The following MAP3K6 variants were observed in gnomAD, a reference collection of about 807,000 sequenced individuals.
The protein encoded by MAP3K6 is mitogen-activated protein kinase kinase kinase 6, also known as apoptosis signal-regulating kinase 2.
In MAP3K6, 105 loss-of-function variants were observed where a neutral mutation model predicts 147.1. That is an observed-to-expected ratio of 0.71 (90% confidence interval 0.61 to 0.84). MAP3K6 has a LOEUF of 0.84. MAP3K6 is among the 40% of genes least tolerant of loss of function. The probability of loss-of-function intolerance (pLI) is 0.00; values close to 1 mark genes in which losing one functional copy is unlikely to be tolerated. For missense variants in MAP3K6, 1,569 were observed against 1,715.0 expected (o/e 0.91, Z 1.50); for synonymous variants, 695 against 732.4 (o/e 0.95, Z 0.82).
At position 27,364,152 on chromosome 1, in the gene MAP3K6, C is replaced by T. The variant is rs1480008467; in HGVS notation, c.695+52G>A. The stretch of plus-strand genomic sequence containing the variant: ...GGCCTGTACCTCAGCCCCAGCCCAC[C>T]ATACCCTCACCAGCCCCCTCCTGGA... On this transcript the variant is annotated intron_variant, in intron 4 of 28. Coordinates refer to ENST00000357582, the MANE Select transcript of MAP3K6 (RefSeq NM_004672.5). This position sits in a 1 kb window ranked among gnomAD's most constrained non-coding sequence, Gnocchi z 4.4. 7 of 1,600,036 alleles carry T rather than the reference C, an allele frequency of 4.4e-6. No individual in the cohort carries two copies. In the East Asian group the frequency reaches 1.3e-4, roughly 31 times the overall value.
At position 27,366,209 on chromosome 1, in the gene MAP3K6, C is replaced by A; in HGVS notation, c.340+49G>T. ...CTTCGAGCCCGGCTTGGTCCCCTCC[C>A]AGGACCCTGAGTCCCGCCCGGATCC... On this transcript the variant is annotated intron_variant, in intron 1 of 28. Transcript: ENST00000357582. This position sits in a 1 kb window ranked among gnomAD's most constrained non-coding sequence, Gnocchi z 5.5. 1 of 1,274,432 alleles carries A rather than the reference C, an allele frequency of 7.8e-7. No individual in the cohort carries two copies. The highest frequency in any genetic ancestry group is 2.5e-5 in the South Asian group (1 of 39,850). The allele number at this position is 1,274,432 out of a possible 1,614,324, so 78.9% of individuals were successfully genotyped here.
intron 21 of MAP3K6, 30 bp from the exon 22 acceptor site, chr1:27,357,906 G>A (rs1421703952): frequency 1.3e-6 from 2 of 1,549,832 alleles, no homozygotes; most frequent in Non-Finnish European, 8.7e-7. Flanking sequence ...GCTGATTGAG[G>A]ACGGGCAGCA....
At chr1:27,362,352 A>G in intron 8 of MAP3K6, 102 bp from the exon 9 acceptor site, 1 of 1,239,618 alleles carries the variant, frequency 8.1e-7, no homozygotes, top group Non-Finnish European at 1.1e-6. Flanking sequence ...AGATATGAGT[A>G]TGGCATTGAG....
intron 11 of MAP3K6, 34 bp from the exon 12 acceptor site, chr1:27,361,429 T>C (rs749189004): frequency 6.2e-7 from 1 of 1,612,676 alleles, no homozygotes; most frequent in South Asian, 1.1e-5. Context: ...TGGGGAGTGC[T>C]GGTGACAGGA....
rs2015593246 is a variant in MAP3K6 at position 27,357,867 on chromosome 1, C to G, written c.2925G>C (p.Glu975Asp). ...ACGCAGGCTCCTCGGCCGCAGGCTC[C>G]TCGGGCACCCTGGGCACAAGGGCGA... Reference protein sequence around the residue: ...YGGTSQLRVPEEPAAEEPASP... With the variant: ...YGGTSQLRVPDEPAAEEPASP... The change falls in exon 22 of 29, where the codon GAG becomes GAC. Residue 975 changes from glutamate (E) to aspartate (D), a missense_variant. Transcript: ENST00000357582. 6.3e-7 allele frequency: 1 copy of G among 1,590,844 alleles called. No individual in the cohort carries two copies. The highest frequency in any genetic ancestry group is 1.7e-5 in the Admixed American group (1 of 57,706).
rs776957853 is a variant in MAP3K6, at chr1:27,364,431, G to T, written c.505-37C>A. ...GAGGCAGGAATCAGTGAGGTCAGAG[G>T]TCAGCACAGGGCTAGACAAGGGGAG... On this transcript the variant is annotated intron_variant, in intron 3 of 28. Coordinates refer to ENST00000357582, the MANE Select transcript of MAP3K6 (RefSeq NM_004672.5). The surrounding 1 kb of genome is among the most constrained non-coding windows in gnomAD (Gnocchi z 4.4). 37 of 1,609,288 alleles carry T rather than the reference G, an allele frequency of 2.3e-5. No individual in the cohort carries two copies. The highest frequency in any genetic ancestry group is 3.1e-5 in the Non-Finnish European group (36 of 1,176,576).
intron 1 of MAP3K6, among the ~76,000 whole-genome samples, chr1:27,365,199 T>C (rs939520283): frequency 6.6e-6 from 1 of 152,174 alleles, no homozygotes; most frequent in Admixed American, 6.5e-5. Context: ...CAGTTGAGTC[T>C]GTTACGGGCC....
chr1:27,356,238 G>C lies in MAP3K6; in HGVS notation c.3638-139C>G, dbSNP rs1209268310. ...GGTGATGAGCCCAAGGGTGCCTTGT[G>C]CTAGAAGCTGCCTCGAACCCACCAA... On this transcript the variant is annotated intron_variant, in intron 26 of 28. Coordinates refer to ENST00000357582, the MANE Select transcript of MAP3K6 (RefSeq NM_004672.5). 3 of 1,070,306 alleles carry C rather than the reference G, an allele frequency of 2.8e-6. No individual in the cohort carries two copies. The African/African-American group carries it at 4.7e-5, about 17-fold the overall frequency. 66.3% of individuals were successfully genotyped at this position (1,070,306 alleles called of 1,614,324 possible).
At position 27,364,070 on chromosome 1, in the gene MAP3K6, C is replaced by T. The variant is rs777862701; in HGVS notation, c.711G>A (p.Glu237=). ...TPTDSCGYFR[E]TIRRDIRQAR... is the part of the protein sequence containing the mutation. ...CCTGCCGGATGTCCCGCCGAATGGT[C>T]TCCCGGAAATAGCCACTGATGCCCA... Residue 237 remains glutamate (E), a synonymous_variant, in exon 5 of 29, where the codon GAG becomes GAA. Coordinates refer to ENST00000357582, the MANE Select transcript of MAP3K6 (RefSeq NM_004672.5). The surrounding 1 kb of genome is among the most constrained non-coding windows in gnomAD (Gnocchi z 4.4). The T allele has an allele frequency of 1.9e-6, 3 of 1,612,700 alleles. No individual in the cohort carries two copies. The highest frequency in any genetic ancestry group is 1.1e-5 in the South Asian group (1 of 90,984).
intron 12 of MAP3K6, 21 bp from the exon 13 acceptor site, chr1:27,361,273 CAG>C: frequency 6.2e-7 from 1 of 1,613,492 alleles, no homozygotes; most frequent in South Asian, 1.1e-5. Context: ...ATGAAGAACC[CAG>C]TAAGCGTCAG....
chr1:27,364,522 G>C lies in MAP3K6; in HGVS notation c.505-128C>G. 6.5e-7 allele frequency: 1 copy of C among 1,533,666 alleles called. No individual in the cohort carries two copies. Among genetic ancestry groups the C allele is most frequent in the Non-Finnish European group, 9.0e-7 (1 of 1,108,328 alleles). On this transcript the variant is annotated intron_variant, in intron 3 of 28. Transcript: ENST00000357582. This position sits in a 1 kb window ranked among gnomAD's most constrained non-coding sequence, Gnocchi z 4.4. ...CAGGAAAGGGGCACCCGTCATGAGA[G>C]GAGGCAACAGGAAACAGAGGAATAC... is the stretch of plus-strand genomic sequence containing the variant.
chr1:27,360,843 C>T lies in MAP3K6; in HGVS notation c.1921-5G>A. The T allele has an allele frequency of 1.2e-6, 2 of 1,612,584 alleles. No homozygotes were observed. Among genetic ancestry groups the T allele is most frequent in the Non-Finnish European group, 1.7e-6 (2 of 1,179,766 alleles). On this transcript the variant is annotated splice_region_variant and splice_polypyrimidine_tract_variant and intron_variant, in intron 14 of 28. Coordinates refer to ENST00000357582, the MANE Select transcript of MAP3K6 (RefSeq NM_004672.5). The surrounding 1 kb of genome is among the most constrained non-coding windows in gnomAD (Gnocchi z 4.5). The stretch of plus-strand genomic sequence containing the variant: ...CTCCGTGTACTCATAATCAAACTGC[C>T]GGGCGCGGGGTGAGATGGGAGTTCA...
chr1:27,360,071 C>G lies in MAP3K6; in HGVS notation c.2183-77G>C. On this transcript the variant is annotated intron_variant, in intron 16 of 28. Transcript: ENST00000357582. This position sits in a 1 kb window ranked among gnomAD's most constrained non-coding sequence, Gnocchi z 4.5. The stretch of plus-strand genomic sequence containing the variant: ...CATCTCTCTGCTCAAGGCCCAGACA[C>G]ACCCATGTTGTAGCCCAACTCCATC... 2.5e-6 allele frequency: 4 copies of G among 1,599,158 alleles called. No individual in the cohort carries two copies. Among genetic ancestry groups the G allele is most frequent in the Non-Finnish European group, 3.4e-6 (4 of 1,170,218 alleles).
chr1:27,365,248 T>A (rs1425412223), intron 1 of MAP3K6, among the ~76,000 whole-genome samples: 1 of 152,088 alleles, frequency 6.6e-6, no homozygotes, highest in Admixed American at 6.6e-5. Context: ...AGAAGTCCCC[T>A]CCCTTTGGTC....
chr1:27,363,117 C>T, intron 6 of MAP3K6, 96 bp from the exon 7 acceptor site: 2 of 1,158,966 alleles, frequency 1.7e-6, no homozygotes, highest in Non-Finnish European at 2.4e-6. Context: ...CTTCCAGGGG[C>T]CTGACAATAA....
In MAP3K6 at chr1:27,363,457, G is replaced by A; in HGVS notation, c.956C>T (p.Thr319Ile). 1 of 1,613,484 alleles carries A rather than the reference G, an allele frequency of 6.2e-7. No individual in the cohort carries two copies. Among genetic ancestry groups the A allele is most frequent in the East Asian group, 2.2e-5 (1 of 44,874 alleles). The change falls in exon 6 of 29, where the codon ACT becomes ATT. Residue 319 changes from threonine (T) to isoleucine (I), a missense_variant. Transcript: ENST00000357582. The part of the protein sequence containing the change: ...AEQHNVCFHY[T>I]FALNRRNRPG... The stretch of plus-strand genomic sequence containing the variant: ...TGCCACTCACCGGTTGAGGGCAAAA[G>A]TGTAGTGGAAGCAGACATTATGCTG...
Position 27,358,248 on chromosome 1 carries a change from C to A in MAP3K6, c.2848G>T (p.Ala950Ser), listed in dbSNP as rs777429237. ...TQSQTFPCPQAPSQHPPSPPK... is the reference protein window; with the variant it reads ...TQSQTFPCPQSPSQHPPSPPK... ...GGGCTGGGTGGGTGCTGAGAGGGTG[C>A]CTGAGGGCACGGGAATGTCTGAGAC... Residue 950 changes from alanine (A) to serine (S), a missense_variant, in exon 21 of 29, where the codon GCA (alanine) becomes TCA (serine). By Grantham distance (99) the Ala-to-Ser change is moderately conservative. Transcript: ENST00000357582. This position sits in a 1 kb window ranked among gnomAD's most constrained non-coding sequence, Gnocchi z 6.2. The A allele has an allele frequency of 6.3e-7, 1 of 1,599,990 alleles. No individual in the cohort carries two copies. The highest frequency in any genetic ancestry group is 1.8e-5 in the Admixed American group (1 of 54,518).
intron 9 of MAP3K6, 96 bp from the exon 10 acceptor site, chr1:27,361,963 G>A: frequency 2.7e-6 from 4 of 1,500,082 alleles, no homozygotes; most frequent in Non-Finnish European, 3.6e-6. Flanking sequence ...CGTTGGCATG[G>A]GGTGCCACGG....
rs968714945 is a variant in MAP3K6 at position 27,366,502 on chromosome 1, C to G, written c.96G>C (p.Ala32=). The G allele has an allele frequency of 9.0e-7, 1 of 1,113,820 alleles. No individual in the cohort carries two copies. The highest frequency in any genetic ancestry group is 5.0e-5 in the Admixed American group (1 of 19,912). The allele number at this position is 1,113,820 out of a possible 1,614,324, so 69.0% of individuals were successfully genotyped here. ...GCGCGCAGCCCCGGCCCGGGGGCGC[C>G]GCGAGCTGCCGGCCCCGGCTCAGCG... ...AVALSRGRQL[A]APPGRGCARS... The change falls in exon 1 of 29, where the codon GCG becomes GCC. Residue 32 remains alanine, a synonymous_variant. Transcript: ENST00000357582. This position sits in a 1 kb window ranked among gnomAD's most constrained non-coding sequence, Gnocchi z 5.5.
Sources: gnomAD v4.1 joint callset for allele counts (sites outside exome capture counted in the v4.1 genomes callset) on GRCh38, gnomAD v4.1.1 for gene constraint, Gnocchi (gnomAD v3.1) non-coding constraint, MANE v1.5 for transcripts, NCBI Gene and HGNC (gene_info 2026-07-23, HGNC 2026-07-21) for gene names.